POLR3B: variants seen among roughly 807,000 people sequenced by gnomAD.
POLR3B encodes the protein RNA polymerase III subunit B.
Under a neutral mutation model 147.4 loss-of-function variants are expected in POLR3B, and 96 were observed. The ratio of observed to expected loss-of-function variants is 0.65; its 90% confidence interval spans 0.55 to 0.77. The LOEUF (loss-of-function observed/expected upper bound fraction) is 0.77, where lower values mean the gene tolerates loss of function less well. POLR3B is among the 30% of genes least tolerant of loss of function. The pLI is 0.00. For synonymous variants in POLR3B, 461 were observed against 485.9 expected (o/e 0.95, Z 0.67); for missense variants, 1,036 against 1,413.5 (o/e 0.73, Z 4.28).
chr12:106,462,409 G>A (rs1016201394), intron 22 of POLR3B, among the ~76,000 whole-genome samples: 4 of 152,074 alleles, frequency 2.6e-5, no homozygotes, highest in South Asian at 2.1e-4. Flanking sequence ...CACTATGCCC[G>A]GCTAATTTTT....
intron 20 of POLR3B, among the ~76,000 whole-genome samples, chr12:106,455,582 T>G (rs1325875700): frequency 6.6e-6 from 1 of 152,186 alleles, no homozygotes; most frequent in African/African-American, 2.4e-5. Context: ...GTGATCTGAG[T>G]TTACTATCCC....
chr12:106,425,118 T>C (rs1476400887), intron 12 of POLR3B, among the ~76,000 whole-genome samples: 1 of 152,234 alleles, frequency 6.6e-6, no homozygotes. Flanking sequence ...TCTTGTCCTA[T>C]GGAACTGAAT....
Position 106,427,229 on chromosome 12 carries a change from A to G in POLR3B, c.1134A>G (p.Lys378=). The G allele has an allele frequency of 6.2e-7, 1 of 1,606,424 alleles. No homozygotes were observed. Among genetic ancestry groups the G allele is most frequent in the Non-Finnish European group, 8.5e-7 (1 of 1,174,914 alleles). Residue 378 remains lysine, a synonymous_variant, in exon 13 of 28, where the codon AAA becomes AAG. Coordinates refer to ENST00000228347, the MANE Select transcript of POLR3B (RefSeq NM_018082.6). ...CTCTTCTTTTTGAAGACTTGTTCAA[A>G]AAATTTAATTCTGAAATGAAAAAGA... ...LLSLLFEDLF[K]KFNSEMKKIA...
intron 26 of POLR3B, 105 bp downstream of exon 26, chr12:106,501,541 A>T: frequency 2.8e-6 from 2 of 726,278 alleles, no homozygotes; most frequent in Non-Finnish European, 2.4e-6. Context: ...TGTTTTCCTG[A>T]GATGTCAAAA....
intron 18 of POLR3B, among the ~76,000 whole-genome samples, chr12:106,439,013 C>T (rs775654931): frequency 6.6e-6 from 1 of 152,212 alleles, no homozygotes; most frequent in Non-Finnish European, 1.5e-5. Context: ...AATTGGAATT[C>T]TTGCAGATAT....
intron 12 of POLR3B, among the ~76,000 whole-genome samples, chr12:106,419,124 T>C (rs3851634): frequency 0.22 from 33,545 of 152,122 alleles, 4,373 homozygotes; most frequent in Non-Finnish European, 0.29. Context: ...CCACAGGAAG[T>C]TGCTGGAATA....
chr12:106,402,643 G>C (rs1443868290), intron 10 of POLR3B, among the ~76,000 whole-genome samples: 1 of 152,102 alleles, frequency 6.6e-6, no homozygotes, highest in Non-Finnish European at 1.5e-5. Context: ...AGAGCCCTCA[G>C]AAATAATGCC....
At chr12:106,417,153 C>A (rs1461174527) in intron 12 of POLR3B, among the ~76,000 whole-genome samples, 5 of 152,198 alleles carry the variant, frequency 3.3e-5, no homozygotes, top group Non-Finnish European at 7.3e-5. Context: ...CATTTATATT[C>A]ATCTCGTTAT....
At position 106,459,025 on chromosome 12, in the gene POLR3B, ATGTGTGTG is replaced by A. The variant is rs113294680; in HGVS notation, c.2453-215_2453-208del. Among the ~76,000 whole-genome samples the A allele has an allele frequency of 3.3e-5, 5 of 150,110 alleles. No homozygotes were observed. In the South Asian group the frequency reaches 1.1e-3, roughly 32 times the overall value. The stretch of plus-strand genomic sequence containing the variant: ...TTTTCTTAATTTTATATAGACTATG[ATGTGTGTG>A]TGTGTGTGTGGGTGTGTGAGTCTCA... On this transcript the variant is annotated intron_variant, in intron 21 of 27. Coordinates refer to ENST00000228347, the MANE Select transcript of POLR3B (RefSeq NM_018082.6).
chr12:106,499,335 T>A (rs2038556988), intron 25 of POLR3B, among the ~76,000 whole-genome samples: 1 of 152,218 alleles, frequency 6.6e-6, no homozygotes, highest in African/African-American at 2.4e-5. Context: ...GGTTATATCC[T>A]GCTTGCCGTA....
At position 106,509,431 on chromosome 12, in the gene POLR3B, G is replaced by A. The variant is rs1286659195; in HGVS notation, c.3284G>A (p.Cys1095Tyr). The A allele has an allele frequency of 8.1e-6, 13 of 1,613,696 alleles. No homozygotes were observed. Among genetic ancestry groups the A allele is most frequent in the Non-Finnish European group, 1.1e-5 (13 of 1,179,738 alleles). ...GACTTGCGTTTCAGGTGCCATTACT[G>A]CAAGTCATCCTGCCACGTGTCTTCC... Reference protein sequence around the residue: ...LLGYSGWCHYCKSSCHVSSLR... With the variant: ...LLGYSGWCHYYKSSCHVSSLR... The change falls in exon 28 of 28, where the codon TGC becomes TAC. Residue 1095 changes from cysteine (C) to tyrosine (Y), a missense_variant. Coordinates refer to ENST00000228347, the MANE Select transcript of POLR3B (RefSeq NM_018082.6).
intron 2 of POLR3B, among the ~76,000 whole-genome samples, chr12:106,364,655 G>A (rs2036508736): frequency 6.6e-6 from 1 of 152,188 alleles, no homozygotes; most frequent in Admixed American, 6.5e-5. Flanking sequence ...GTACACAAAT[G>A]CTCATAGCAG....
At chr12:106,372,930 G>A (rs543138283) in intron 6 of POLR3B, among the ~76,000 whole-genome samples, 5 of 152,114 alleles carry the variant, frequency 3.3e-5, no homozygotes, top group African/African-American at 1.2e-4. Context: ...TTCCCATTAC[G>A]ATTTCCCTTT....
chr12:106,384,147 C>T (rs1381494047), intron 9 of POLR3B, among the ~76,000 whole-genome samples: 1 of 152,114 alleles, frequency 6.6e-6, no homozygotes, highest in Non-Finnish European at 1.5e-5. Flanking sequence ...CAGGGTCAAT[C>T]TGGAAGCAGG....
intron 25 of POLR3B, 89 bp downstream of exon 25, chr12:106,497,007 T>C: frequency 7.7e-7 from 1 of 1,305,008 alleles, no homozygotes; most frequent in Non-Finnish European, 1.1e-6. Flanking sequence ...CTATTAAGTA[T>C]ACCTTCAGGC....
intron 23 of POLR3B, among the ~76,000 whole-genome samples, chr12:106,482,043 C>G (rs2038274703): frequency 6.6e-6 from 1 of 152,186 alleles, no homozygotes; most frequent in African/African-American, 2.4e-5. Flanking sequence ...TAAATGCTAA[C>G]AATCATCAGA....
chr12:106,409,921 G>A (rs2037203247), intron 11 of POLR3B, among the ~76,000 whole-genome samples: 1 of 152,112 alleles, frequency 6.6e-6, no homozygotes, highest in African/African-American at 2.4e-5. Context: ...AAACAAACCA[G>A]TGCAATTATT....
chr12:106,479,040 C>A (rs946149732), intron 23 of POLR3B, among the ~76,000 whole-genome samples: 12 of 152,086 alleles, frequency 7.9e-5, no homozygotes, highest in African/African-American at 2.4e-4. Context: ...TATCTTCTTC[C>A]CTTCTTGACA....
intron 23 of POLR3B, among the ~76,000 whole-genome samples, chr12:106,478,124 C>G (rs1320754666): frequency 1.3e-5 from 2 of 151,744 alleles, no homozygotes; most frequent in East Asian, 1.9e-4. Flanking sequence ...CCAGGCTGGT[C>G]CCAAATTCCT....
Sources: gnomAD v4.1 joint callset for allele counts (sites outside exome capture counted in the v4.1 genomes callset) on GRCh38, gnomAD v4.1.1 for gene constraint, MANE v1.5 for transcripts, NCBI Gene and HGNC (gene_info 2026-07-23, HGNC 2026-07-21) for gene names.